The following GLI3 variants were observed in gnomAD, a reference collection of about 807,000 sequenced individuals.
GLI3 encodes the protein transcription activator GLI3.
Under a neutral mutation model 100.8 loss-of-function variants are expected in GLI3, and 20 were observed. That is an observed-to-expected ratio of 0.20 (90% confidence interval 0.14 to 0.29). GLI3 has a LOEUF of 0.29. Ranked by LOEUF, GLI3 falls within the 10% of genes least tolerant of loss-of-function variation. The pLI is 1.00. For synonymous variants in GLI3, 938 were observed against 860.5 expected (o/e 1.09, Z -1.58); for missense variants, 2,040 against 2,128.5 (o/e 0.96, Z 0.82).
intron 2 of GLI3, among the ~76,000 whole-genome samples, chr7:42,204,525 T>C (rs1360097320): frequency 1.3e-5 from 2 of 152,230 alleles, no homozygotes; most frequent in African/African-American, 4.8e-5. Flanking sequence ...ATAAATATCT[T>C]AACAGCAGGC....
rs536426444 is a variant in GLI3, at chr7:42,104,296, A to G, written c.368-27439T>C. ...CCTACCTAGACATACTGCGTACCCAACATCCTTCAGTACCCAGTTCAGTCT... is the reference window on the plus strand; with the variant it reads ...CCTACCTAGACATACTGCGTACCCAGCATCCTTCAGTACCCAGTTCAGTCT... On this transcript the variant is annotated intron_variant, in intron 3 of 14. Transcript: ENST00000395925. 2.0e-5 allele frequency among the ~76,000 whole-genome samples: 3 copies of G among 152,308 alleles called. No homozygotes were observed. The South Asian group carries it at 6.2e-4, about 32-fold the overall frequency.
intron 4 of GLI3, among the ~76,000 whole-genome samples, chr7:42,053,372 T>C (rs1583513439): frequency 2.0e-5 from 3 of 152,274 alleles, no homozygotes. Context: ...GGCAGACGTG[T>C]GTTCACTGCT....
chr7:42,187,376 A>G (rs1787737840), intron 2 of GLI3, among the ~76,000 whole-genome samples: 1 of 152,324 alleles, frequency 6.6e-6, no homozygotes, highest in African/African-American at 2.4e-5. Flanking sequence ...ACAAGGAAGA[A>G]GAAATCAAGA....
intron 4 of GLI3, among the ~76,000 whole-genome samples, chr7:42,067,745 T>C (rs1454983223): frequency 6.6e-6 from 1 of 152,028 alleles, no homozygotes; most frequent in Non-Finnish European, 1.5e-5. Flanking sequence ...TTCCAGGCAA[T>C]GAGGGACCCT....
At position 41,964,820 on chromosome 7, in the gene GLI3, A is replaced by G. The variant is rs1162374884; in HGVS notation, c.4253T>C (p.Val1418Ala). The change falls in exon 15 of 15, where the codon GTG (valine) becomes GCG (alanine). Residue 1418 changes from valine to alanine, a missense_variant. Around this residue, in one of 5 missense-constraint regions of GLI3, gnomAD observed 1,041 missense variants for 924.0 expected, o/e 1.13. Coordinates refer to ENST00000395925, the MANE Select transcript of GLI3 (RefSeq NM_000168.6). ...QLSDTSQTCR[V>A]NGIKMEMKGQ... The stretch of plus-strand genomic sequence containing the variant: ...TTTCATCTCCATCTTGATACCATTC[A>G]CCCTGCAGGTCTGACTTGTGTCACT... The G allele has an allele frequency of 6.2e-7, 1 of 1,613,788 alleles. No individual in the cohort carries two copies. The highest frequency in any genetic ancestry group is 2.2e-5 in the East Asian group (1 of 44,896).
chr7:42,133,675 T>G (rs920725029), intron 3 of GLI3, among the ~76,000 whole-genome samples: 1 of 150,450 alleles, frequency 6.6e-6, no homozygotes, highest in Non-Finnish European at 1.5e-5. Context: ...CTTAGAGTCT[T>G]GCTCACCTGG....
In GLI3 at chr7:42,030,273, G is replaced by C. The variant is rs116679915; in HGVS notation, c.1029-3861C>G. 1.9e-3 allele frequency among the ~76,000 whole-genome samples: 284 copies of C among 152,146 alleles called. 1 individual carries two copies. The highest frequency in any genetic ancestry group is 6.7e-3 in the African/African-American group (278 of 41,490). ...CCTGTGATTACATCACTGCCACCCG[G>C]ATAATCGAGGATCATCTTCTCATCT... On this transcript the variant is annotated intron_variant, in intron 7 of 14. Coordinates refer to ENST00000395925, the MANE Select transcript of GLI3 (RefSeq NM_000168.6).
At chr7:42,230,539 G>A (rs530316521) in intron 1 of GLI3, among the ~76,000 whole-genome samples, 1 of 152,218 alleles carries the variant, frequency 6.6e-6, no homozygotes, top group Admixed American at 6.5e-5. Flanking sequence ...TATTTGACAT[G>A]AAAGTAATCA....
chr7:41,978,284 A>G (rs932856510), intron 11 of GLI3, among the ~76,000 whole-genome samples: 3 of 152,148 alleles, frequency 2.0e-5, no homozygotes, highest in Non-Finnish European at 4.4e-5. Flanking sequence ...AGTCAACTTC[A>G]ACTCTGTAAG....
chr7:42,218,407 C>T (rs1267112365), intron 2 of GLI3, among the ~76,000 whole-genome samples: 2 of 150,410 alleles, frequency 1.3e-5, no homozygotes, highest in Non-Finnish European at 3.0e-5. Flanking sequence ...ACAGACATCA[C>T]AATCAGTGGT....
At chr7:42,198,310 G>A (rs1433409915) in intron 2 of GLI3, among the ~76,000 whole-genome samples, 2 of 152,168 alleles carry the variant, frequency 1.3e-5, no homozygotes, top group African/African-American at 2.4e-5. Context: ...GAAATGTGAC[G>A]GGAAGCCCTG....
At chr7:42,062,283 G>C (rs1392233180) in intron 4 of GLI3, among the ~76,000 whole-genome samples, 1 of 152,154 alleles carries the variant, frequency 6.6e-6, no homozygotes, top group African/African-American at 2.4e-5. Flanking sequence ...ATGTTATAAA[G>C]TCTGTTGCTT....
intron 3 of GLI3, among the ~76,000 whole-genome samples, chr7:42,080,351 T>G (rs535668685): frequency 6.6e-6 from 1 of 152,234 alleles, no homozygotes; most frequent in Non-Finnish European, 1.5e-5. Context: ...CTTATTTATG[T>G]CCCAAGAAAA....
At chr7:42,185,520 G>A (rs1312179777) in intron 2 of GLI3, among the ~76,000 whole-genome samples, 1 of 152,118 alleles carries the variant, frequency 6.6e-6, no homozygotes, top group Non-Finnish European at 1.5e-5. Context: ...CCATTTCTTG[G>A]GCAATTCTCA....
At chr7:42,075,846 A>G (rs1224323829) in intron 4 of GLI3, among the ~76,000 whole-genome samples, 2 of 152,248 alleles carry the variant, frequency 1.3e-5, no homozygotes, top group African/African-American at 4.8e-5. Flanking sequence ...GTTTTAAAAC[A>G]ACTTCATTTT....
chr7:42,182,462 C>G (rs1787612109), intron 2 of GLI3, among the ~76,000 whole-genome samples: 1 of 150,292 alleles, frequency 6.7e-6, no homozygotes, highest in African/African-American at 2.5e-5. Flanking sequence ...AATAATAATC[C>G]CTGTAAACGC....
intron 3 of GLI3, among the ~76,000 whole-genome samples, chr7:42,127,182 T>C (rs1422539300): frequency 6.6e-6 from 1 of 152,238 alleles, no homozygotes; most frequent in Non-Finnish European, 1.5e-5. Context: ...AACAAGCCTT[T>C]TTAACTTCGG....
In GLI3 at chr7:42,187,264, C is replaced by T. The variant is rs975026224; in HGVS notation, c.124+35866G>A. ...TATTAGCAATAAAATTATTTTAAAA[C>T]GCTATTCACCCCATATCTAAGTAAA... On this transcript the variant is annotated intron_variant, in intron 2 of 14. Transcript: ENST00000395925. 6.0e-5 allele frequency among the ~76,000 whole-genome samples: 9 copies of T among 150,148 alleles called. No homozygotes were observed. In the South Asian group the frequency reaches 6.3e-4, roughly 11 times the overall value.
chr7:42,115,434 C>T (rs1224436322), intron 3 of GLI3, among the ~76,000 whole-genome samples: 1 of 152,162 alleles, frequency 6.6e-6, no homozygotes, highest in African/African-American at 2.4e-5. Context: ...CCACCGTGCC[C>T]AGCCCATTTT....
Sources: gnomAD v4.1 joint callset for allele counts (sites outside exome capture counted in the v4.1 genomes callset) on GRCh38, gnomAD v4.1.1 for gene constraint, gnomAD v4.1.1 regional missense constraint, MANE v1.5 for transcripts, NCBI Gene and HGNC (gene_info 2026-07-23, HGNC 2026-07-21) for gene names.